PIAS1: variants seen among roughly 807,000 people sequenced by gnomAD.
PIAS1 encodes the protein E3 SUMO-protein ligase PIAS1.
PIAS1 carries 6 observed loss-of-function variants against 71.3 expected under a neutral mutation model. The ratio of observed to expected loss-of-function variants is 0.08; its 90% CI spans 0.05 to 0.17. The LOEUF is 0.17. Ranked by LOEUF, PIAS1 falls within the 10% of genes least tolerant of loss-of-function variation. The pLI is 1.00. For missense variants in PIAS1, 555 were observed against 793.6 expected (o/e 0.70, Z 3.61); for synonymous variants, 303 against 292.9 (o/e 1.03, Z -0.35).
chr15:68,142,234 G>A, intron 3 of PIAS1, 56 bp from the exon 4 acceptor site: 2 of 1,436,022 alleles, frequency 1.4e-6, no homozygotes, highest in Admixed American at 1.8e-5. Flanking sequence ...GTCTTTGAAT[G>A]AACTTTCATG....
At chr15:68,080,457 A>C (rs2092218758) in intron 1 of PIAS1, among the ~76,000 whole-genome samples, 1 of 152,204 alleles carries the variant, frequency 6.6e-6, no homozygotes, top group South Asian at 2.1e-4. Flanking sequence ...AATAGATAAA[A>C]GTTGAGAAAT....
chr15:68,079,470 T>A (rs916266600), intron 1 of PIAS1, among the ~76,000 whole-genome samples: 12 of 152,110 alleles, frequency 7.9e-5, no homozygotes, highest in Admixed American at 2.6e-4. Flanking sequence ...AAATTTTTTT[T>A]CCTTTTTTCT....
At chr15:68,113,977 A>G (rs921904625) in intron 2 of PIAS1, among the ~76,000 whole-genome samples, 1 of 151,886 alleles carries the variant, frequency 6.6e-6, no homozygotes, top group Non-Finnish European at 1.5e-5. Context: ...ATCTAGCAAT[A>G]GGATCTCTCT....
Position 68,054,591 on chromosome 15 carries a change from CTGGCGGGGG to C in PIAS1, c.24+251_24+259del, listed in dbSNP as rs1180803254. ...CGGCGTGTTATTGTTGTGGGCGCCT[CTGGCGGGGG>C]TGGCGGGGGAAGAGATAGGGAGTCC... On this transcript the variant is annotated intron_variant, in intron 1 of 13. Coordinates refer to ENST00000249636, the MANE Select transcript of PIAS1 (RefSeq NM_016166.3). The surrounding 1 kb of genome is among the most constrained non-coding windows in gnomAD (Gnocchi z 4.6). 6 of 426,700 alleles carry C rather than the reference CTGGCGGGGG, an allele frequency of 1.4e-5. No homozygotes were observed. Among genetic ancestry groups the C allele is most frequent in the Admixed American group, 1.3e-4 (3 of 22,702 alleles). The allele number at this position is 426,700 out of a possible 1,614,324, so 26.4% of individuals were successfully genotyped here.
intron 9 of PIAS1, among the ~76,000 whole-genome samples, chr15:68,175,365 G>A (rs1235845516): frequency 6.6e-6 from 1 of 152,132 alleles, no homozygotes; most frequent in Non-Finnish European, 1.5e-5. Flanking sequence ...GGTAACTACT[G>A]TCTATATACT....
intron 1 of PIAS1, among the ~76,000 whole-genome samples, chr15:68,059,077 GCACTGCAAGCTCCGCCTCCCGGGTTAACA>G: frequency 6.9e-6 from 1 of 145,134 alleles, no homozygotes; most frequent in East Asian, 2.1e-4. Flanking sequence ...CGATCTCGGC[GCACTGCAAGCTCCGCCTCCCGGGTTAACA>G]CCATTCTCCT....
At chr15:68,180,806 C>T (rs1333049684) in intron 11 of PIAS1, among the ~76,000 whole-genome samples, 1 of 152,184 alleles carries the variant, frequency 6.6e-6, no homozygotes, top group Non-Finnish European at 1.5e-5. Context: ...CTAGGGCATA[C>T]GTATGCTTCT....
intron 8 of PIAS1, among the ~76,000 whole-genome samples, chr15:68,165,356 G>A (rs1394613677): frequency 2.6e-5 from 4 of 152,158 alleles, no homozygotes; most frequent in African/African-American, 9.6e-5. Flanking sequence ...CCTGACCTCA[G>A]GTGATCCACC....
chr15:68,057,223 T>C (rs16951603), intron 1 of PIAS1, among the ~76,000 whole-genome samples: 1,652 of 152,306 alleles, frequency 0.011, 30 homozygotes, highest in African/African-American at 0.036. Context: ...CATATCAAAA[T>C]GAATTCTCTA....
At chr15:68,074,285 T>G (rs1029057246) in intron 1 of PIAS1, among the ~76,000 whole-genome samples, 2 of 152,232 alleles carry the variant, frequency 1.3e-5, no homozygotes, top group African/African-American at 4.8e-5. Context: ...GTTCTTCTTC[T>G]GTCATAGAGT....
intron 8 of PIAS1, among the ~76,000 whole-genome samples, 188 bp downstream of exon 8, chr15:68,164,992 A>G (rs550984039): frequency 6.6e-6 from 1 of 152,294 alleles, no homozygotes; most frequent in East Asian, 1.9e-4. Flanking sequence ...AAAATGATCT[A>G]CTCTTAGTAA....
At chr15:68,154,532 ACT>A (rs1303915366) in intron 7 of PIAS1, among the ~76,000 whole-genome samples, 1 of 152,114 alleles carries the variant, frequency 6.6e-6, no homozygotes, top group Non-Finnish European at 1.5e-5. Context: ...ACTTAGGAAC[ACT>A]CTGGTGGAAA....
intron 2 of PIAS1, among the ~76,000 whole-genome samples, chr15:68,113,196 T>C (rs1190128195): frequency 6.6e-6 from 1 of 152,196 alleles, no homozygotes; most frequent in East Asian, 1.9e-4. Flanking sequence ...CATGTGGTTA[T>C]ATGTGTGCAC....
chr15:68,183,253 A>T (rs1390036058), intron 12 of PIAS1, among the ~76,000 whole-genome samples: 2 of 152,228 alleles, frequency 1.3e-5, no homozygotes, highest in African/African-American at 4.8e-5. Context: ...AATGAGGGCA[A>T]AACTAATTAC....
At chr15:68,169,167 C>A (rs568547986) in intron 8 of PIAS1, among the ~76,000 whole-genome samples, 6 of 152,188 alleles carry the variant, frequency 3.9e-5, no homozygotes, top group Admixed American at 3.3e-4. Flanking sequence ...AAGGCAATAG[C>A]AAAAGTACCT....
At chr15:68,127,802 G>C (rs2092661484) in intron 2 of PIAS1, among the ~76,000 whole-genome samples, 1 of 151,904 alleles carries the variant, frequency 6.6e-6, no homozygotes, top group Admixed American at 6.6e-5. Context: ...TCGCTCTATT[G>C]CCCAGGCTGG....
Position 68,088,748 on chromosome 15 carries a change from G to A in PIAS1, c.469+1998G>A, listed in dbSNP as rs1427459425. 1.2e-4 allele frequency among the ~76,000 whole-genome samples: 18 copies of A among 152,104 alleles called. 1 individual carries two copies. Among genetic ancestry groups the A allele is most frequent in the South Asian group, 4.1e-4 (2 of 4,822 alleles). On this transcript the variant is annotated intron_variant, in intron 2 of 13. Transcript: ENST00000249636. ...AATTAGTCTTCAGGGTGTAGGATGA[G>A]TATATTTTAAGGCTCTGTTTTTATA...
In PIAS1 at chr15:68,164,826, C is replaced by T. The variant is rs750949287; in HGVS notation, c.1008+22C>T. 13 of 1,348,182 alleles carry T rather than the reference C, an allele frequency of 9.6e-6. No individual in the cohort carries two copies. The East Asian group carries it at 1.9e-4, about 19-fold the overall frequency. 83.5% of individuals were successfully genotyped at this position (1,348,182 alleles called of 1,614,324 possible). A position where few individuals can be genotyped will look rare whatever the true frequency, so the allele number is the denominator to read the frequency against. ...TCCAGTAAGTGTTAACTATTACTTGCTTTCCAGAAAGTTTAACATACATTT... is the reference window on the plus strand; with the variant it reads ...TCCAGTAAGTGTTAACTATTACTTGTTTTCCAGAAAGTTTAACATACATTT... On this transcript the variant is annotated intron_variant, in intron 8 of 13. Coordinates refer to ENST00000249636, the MANE Select transcript of PIAS1 (RefSeq NM_016166.3).
chr15:68,143,334 G>A (rs1287388497), intron 4 of PIAS1, among the ~76,000 whole-genome samples: 1 of 152,052 alleles, frequency 6.6e-6, no homozygotes, highest in Non-Finnish European at 1.5e-5. Context: ...TAAAACGCCT[G>A]TTCAGCACTT....
Sources: allele counts gnomAD v4.1 joint callset (sites outside exome capture counted in the v4.1 genomes callset), GRCh38; gene constraint gnomAD v4.1.1; non-coding constraint Gnocchi (gnomAD v3.1); transcripts MANE v1.5; gene names NCBI Gene and HGNC (gene_info 2026-07-23, HGNC 2026-07-21).